The following KAZN variants were observed in gnomAD, a reference collection of about 807,000 sequenced individuals.
KAZN encodes kazrin.
In KAZN, 40 loss-of-function variants were observed where a neutral mutation model predicts 87.4. That is an observed-to-expected ratio of 0.46 (90% confidence interval 0.36 to 0.60). KAZN has a LOEUF of 0.60. KAZN is among the 20% of genes least tolerant of loss of function. The pLI is 0.00. For missense variants in KAZN, 898 were observed against 1,073.9 expected (o/e 0.84, Z 2.29); for synonymous variants, 466 against 458.3 (o/e 1.02, Z -0.22).
chr1:14,187,467 C>T (rs1463158124), intron 2 of KAZN, among the ~76,000 whole-genome samples: 1 of 152,132 alleles, frequency 6.6e-6, no homozygotes, highest in Non-Finnish European at 1.5e-5. Context: ...ATCTCATTTT[C>T]TTCATGATGT....
At chr1:14,994,382 A>G (rs34675627) in intron 2 of KAZN, among the ~76,000 whole-genome samples, 21,893 of 152,212 alleles carry the variant, frequency 0.14, 1,723 homozygotes, top group Middle Eastern at 0.17. Flanking sequence ...TGCCTTCAAC[A>G]GGTATCTACT....
In KAZN at chr1:14,923,282, G is replaced by A. The variant is rs1658759477; in HGVS notation, c.227-37402G>A. ...TCCTGGGGCTGTAAGGAGATAATTA[G>A]TCTTTCTAAACAGCATCGTAATCCC... On this transcript the variant is annotated intron_variant, in intron 1 of 14. Coordinates refer to ENST00000376030, the MANE Select transcript of KAZN (RefSeq NM_201628.3). This position sits in a 1 kb window ranked among gnomAD's most constrained non-coding sequence, Gnocchi z 4.2. Among the ~76,000 whole-genome samples, 1 of 152,206 alleles carries A rather than the reference G, an allele frequency of 6.6e-6. No individual in the cohort carries two copies. Among genetic ancestry groups the A allele is most frequent in the Non-Finnish European group, 1.5e-5 (1 of 68,044 alleles).
At chr1:15,022,173 A>G (rs1230690505) in intron 2 of KAZN, among the ~76,000 whole-genome samples, 1 of 152,084 alleles carries the variant, frequency 6.6e-6, no homozygotes. Flanking sequence ...CCAGATGGCC[A>G]GGACGGGCCA....
chr1:14,937,367 G>A (rs1317209350), intron 1 of KAZN, among the ~76,000 whole-genome samples: 1 of 152,184 alleles, frequency 6.6e-6, no homozygotes, highest in Non-Finnish European at 1.5e-5. Flanking sequence ...TCTTTTACGA[G>A]TTGTTTGTAC....
rs528012324 is a variant in KAZN at position 14,266,504 on chromosome 1, C to T, written c.249+85912C>T. ...TACTCACAAAAGCATCACCAAACTT[C>T]TAAATGAAGACCCTGAAATGCTTTT... On this transcript the variant is annotated intron_variant, in intron 2 of 16. Coordinates refer to the KAZN transcript ENST00000636203. Among the ~76,000 whole-genome samples, 82 of 152,318 alleles carry T rather than the reference C, an allele frequency of 5.4e-4. 1 individual carries two copies. Among genetic ancestry groups the T allele is most frequent in the African/African-American group, 1.9e-3 (80 of 41,576 alleles).
intron 4 of KAZN, among the ~76,000 whole-genome samples, chr1:15,053,322 C>T (rs1674615811): frequency 6.6e-6 from 1 of 152,156 alleles, no homozygotes; most frequent in Non-Finnish European, 1.5e-5. Context: ...GATGCTAGGT[C>T]TGCTGCAGGT....
intron 1 of KAZN, among the ~76,000 whole-genome samples, chr1:14,166,183 C>T (rs746799520): frequency 3.4e-4 from 51 of 152,114 alleles, no homozygotes; most frequent in Admixed American, 7.2e-4. Context: ...GGCATGGTGG[C>T]GTGCGCCTGT....
upstream of KAZN, among the ~76,000 whole-genome samples, chr1:14,595,217 G>A (rs188308664): frequency 2.6e-5 from 4 of 152,038 alleles, no homozygotes; most frequent in Non-Finnish European, 4.4e-5. Flanking sequence ...TTACCTTATG[G>A]GGGGGCAGCA....
chr1:14,749,986 C>T (rs920517515), intron 1 of KAZN, among the ~76,000 whole-genome samples: 2 of 151,926 alleles, frequency 1.3e-5, no homozygotes, highest in Non-Finnish European at 2.9e-5. Flanking sequence ...GGTAAAATGA[C>T]ATAGAACAAA....
intron 2 of KAZN, among the ~76,000 whole-genome samples, chr1:14,260,001 CTT>C (rs1201666045): frequency 1.3e-5 from 2 of 152,150 alleles, no homozygotes; most frequent in Non-Finnish European, 2.9e-5. Flanking sequence ...GTTGTGGACT[CTT>C]TTATTCCCAT....
At chr1:15,015,916 C>G (rs1283277758) in intron 2 of KAZN, among the ~76,000 whole-genome samples, 1 of 152,162 alleles carries the variant, frequency 6.6e-6, no homozygotes, top group South Asian at 2.1e-4. Context: ...ACACTGTGAT[C>G]GGAGGGCAGG....
Position 14,619,845 on chromosome 1 carries a change from C to A in KAZN, c.226+20622C>A, listed in dbSNP as rs1327528444. 2.0e-5 allele frequency among the ~76,000 whole-genome samples: 3 copies of A among 152,164 alleles called. No homozygotes were observed. The East Asian group carries it at 5.8e-4, about 29-fold the overall frequency. Reference sequence around the variant, plus strand: ...TAGCATGATGATTTTAAGACTCATCCATGTTGTAGCGTGTATCAGCACTTC... The same window carrying A: ...TAGCATGATGATTTTAAGACTCATCAATGTTGTAGCGTGTATCAGCACTTC... On this transcript the variant is annotated intron_variant, in intron 1 of 14. Coordinates refer to ENST00000376030, the MANE Select transcript of KAZN (RefSeq NM_201628.3).
intron 2 of KAZN, among the ~76,000 whole-genome samples, chr1:14,404,587 G>A (rs1252885784): frequency 6.6e-6 from 1 of 152,150 alleles, no homozygotes; most frequent in East Asian, 1.9e-4. Context: ...AAGGAGATAT[G>A]CATGAAGATG....
intron 2 of KAZN, among the ~76,000 whole-genome samples, chr1:14,509,160 C>A (rs1451802922): frequency 1.3e-5 from 2 of 152,202 alleles, no homozygotes; most frequent in Non-Finnish European, 2.9e-5. Flanking sequence ...AGTGCTTTGC[C>A]ATGGGCAAAT....
chr1:14,743,287 G>A lies in KAZN; in HGVS notation c.226+144064G>A, dbSNP rs534432223. Among the ~76,000 whole-genome samples the A allele has an allele frequency of 1.4e-4, 21 of 151,960 alleles. 1 individual carries two copies. The East Asian group carries it at 3.9e-3, about 28-fold the overall frequency. On this transcript the variant is annotated intron_variant, in intron 1 of 14. Coordinates refer to ENST00000376030, the MANE Select transcript of KAZN (RefSeq NM_201628.3). Reference sequence around the variant, plus strand: ...TCAACTAAAAATACAAATATTAGCCGGGCGTGGTGACACGTGCCTGTAATC... The same window carrying A: ...TCAACTAAAAATACAAATATTAGCCAGGCGTGGTGACACGTGCCTGTAATC...
At chr1:14,351,274 A>G (rs1658531969) in intron 2 of KAZN, among the ~76,000 whole-genome samples, 1 of 152,206 alleles carries the variant, frequency 6.6e-6, no homozygotes, top group South Asian at 2.1e-4. Flanking sequence ...TAATTCTAAA[A>G]TAATAATCAG....
At chr1:14,266,539 T>C (rs541710803) in intron 2 of KAZN, among the ~76,000 whole-genome samples, 8 of 152,300 alleles carry the variant, frequency 5.3e-5, no homozygotes, top group African/African-American at 1.9e-4. Flanking sequence ...TAATACCAAA[T>C]TGAAATAAAT....
chr1:15,079,903 G>GAT (rs1350369860), intron 8 of KAZN, among the ~76,000 whole-genome samples: 1 of 152,230 alleles, frequency 6.6e-6, no homozygotes, highest in Admixed American at 6.5e-5. Flanking sequence ...TTGATGTATA[G>GAT]ATATATATGT....
Position 15,001,094 on chromosome 1 carries a change from C to A in KAZN, c.419-33655C>A, listed in dbSNP as rs1029828164. Among the ~76,000 whole-genome samples the A allele has an allele frequency of 3.3e-5, 5 of 149,330 alleles. 1 individual carries two copies. Among genetic ancestry groups the A allele is most frequent in the African/African-American group, 1.3e-4 (5 of 38,876 alleles). ...CTCCAGCCTGGGTGACAGATGGAGA[C>A]CTTGCCTCTAAAAAATAAATAAAAA... On this transcript the variant is annotated intron_variant, in intron 2 of 14. Coordinates refer to ENST00000376030, the MANE Select transcript of KAZN (RefSeq NM_201628.3).
Sources: gnomAD v4.1 joint callset for allele counts (sites outside exome capture counted in the v4.1 genomes callset) on GRCh38, gnomAD v4.1.1 for gene constraint, Gnocchi (gnomAD v3.1) non-coding constraint, MANE v1.5 for transcripts, NCBI Gene and HGNC (gene_info 2026-07-23, HGNC 2026-07-21) for gene names.